Variants in CLDN18 observed in about 807,000 individuals in gnomAD.
CLDN18 encodes claudin 18.
A neutral mutation model predicts 25.0 loss-of-function variants in CLDN18; 20 were observed. The observed-to-expected ratio is 0.80, with a 90% CI of 0.56 to 1.16. The LOEUF (loss-of-function observed/expected upper bound fraction) is 1.16. Ranked by LOEUF, CLDN18 falls within the 50% of genes most tolerant of loss-of-function variation. The pLI is 0.00. For missense variants in CLDN18, 297 were observed against 345.4 expected (o/e 0.86, Z 1.11); for synonymous variants, 125 against 135.6 (o/e 0.92, Z 0.54).
At chr3:138,011,297 A>G (rs548928700) in intron 1 of CLDN18, among the ~76,000 whole-genome samples, 21 of 152,210 alleles carry the variant, frequency 1.4e-4, no homozygotes, top group Non-Finnish European at 2.8e-4. Flanking sequence ...CTCTGAAACA[A>G]ATACCTTTTA....
chr3:138,013,625 A>G (rs1304892912), intron 1 of CLDN18, among the ~76,000 whole-genome samples: 1 of 152,202 alleles, frequency 6.6e-6, no homozygotes, highest in African/African-American at 2.4e-5. Flanking sequence ...GTAGGAGCAC[A>G]TAGCTATTGG....
At chr3:138,014,053 A>C (rs1021738162) in intron 1 of CLDN18, among the ~76,000 whole-genome samples, 1 of 151,876 alleles carries the variant, frequency 6.6e-6, no homozygotes, top group Non-Finnish European at 1.5e-5. Context: ...ACAGTGGGTG[A>C]GGGAGAGAGG....
chr3:138,002,541 C>T lies in CLDN18; in HGVS notation c.220+3453C>T, dbSNP rs557597243. 3.3e-5 allele frequency among the ~76,000 whole-genome samples: 5 copies of T among 152,354 alleles called. No homozygotes were observed. The East Asian group carries it at 5.8e-4, about 18-fold the overall frequency. ...GTGCAAATACGATCATAAACACCAA[C>T]ATAAACATAATCCATAAGTAGCCAG... On this transcript the variant is annotated intron_variant, in intron 1 of 4. Coordinates refer to the CLDN18 transcript ENST00000343735.
rs769709441 is a variant in CLDN18 at position 138,014,887 on chromosome 3, G to T, written c.220+4442G>T. ...TTACCCCTGTAATCCCATCACTTTG[G>T]GAGGCTGAGGTGGGAGGATTGCTTG... is the stretch of plus-strand genomic sequence containing the variant. On this transcript the variant is annotated intron_variant, in intron 1 of 4. Coordinates refer to ENST00000183605, the MANE Select transcript of CLDN18 (RefSeq NM_016369.4). Among the ~76,000 whole-genome samples the T allele has an allele frequency of 9.9e-5, 15 of 152,194 alleles. No homozygotes were observed. In the Middle Eastern group the frequency reaches 0.01, roughly 104 times the overall value.
At position 138,010,388 on chromosome 3, in the gene CLDN18, A is replaced by G; in HGVS notation, c.163A>G (p.Arg55Gly). The G allele has an allele frequency of 6.2e-7, 1 of 1,614,202 alleles. No homozygotes were observed. The highest frequency in any genetic ancestry group is 1.1e-5 in the South Asian group (1 of 91,088). ...QYEGLWRSCV[R>G]QSSGFTECRP... ...CGAAGGGCTCTGGAGGAGCTGCGTG[A>G]GGCAGAGTTCAGGCTTCACCGAATG... Residue 55 changes from arginine to glycine, a missense_variant, in exon 1 of 5, where the codon AGG becomes GGG. Coordinates refer to ENST00000183605, the MANE Select transcript of CLDN18 (RefSeq NM_016369.4).
At chr3:138,011,831 C>T (rs935236592) in intron 1 of CLDN18, among the ~76,000 whole-genome samples, 9 of 152,174 alleles carry the variant, frequency 5.9e-5, no homozygotes, top group African/African-American at 1.7e-4. Context: ...AATATTCCCA[C>T]TCTCCTAAAT....
At position 138,023,986 on chromosome 3, in the gene CLDN18, G is replaced by A. The variant is rs544779988; in HGVS notation, c.385+164G>A. On this transcript the variant is annotated intron_variant, in intron 2 of 4. Coordinates refer to ENST00000183605, the MANE Select transcript of CLDN18 (RefSeq NM_016369.4). The stretch of plus-strand genomic sequence containing the variant: ...CCAATTGTGTATCATGAGTACTAAG[G>A]TCCTTCTTAGCTGCCACTCCAACCC... Among the ~76,000 whole-genome samples, 8 of 152,042 alleles carry A rather than the reference G, an allele frequency of 5.3e-5. No homozygotes were observed. The South Asian group carries it at 1.7e-3, about 32-fold the overall frequency.
At position 138,010,244 on chromosome 3, in the gene CLDN18, C is replaced by A. The variant is rs760479633; in HGVS notation, c.19C>A (p.Gln7Lys). ...CAGGATCATGTCCACCACCACATGC[C>A]AAGTGGTGGCGTTCCTCCTGTCCAT... MSTTTCQVVAFLLSILG... is the reference protein window; with the variant it reads MSTTTCKVVAFLLSILG... Residue 7 changes from glutamine (Q) to lysine (K), a missense_variant, in exon 1 of 5, where the codon CAA (glutamine) becomes AAA (lysine). By Grantham distance (53) the Gln-to-Lys change is moderately conservative. Transcript: ENST00000183605. 2.5e-6 allele frequency: 4 copies of A among 1,613,404 alleles called. No homozygotes were observed. The highest frequency in any genetic ancestry group is 3.4e-6 in the Non-Finnish European group (4 of 1,179,810).
intron 1 of CLDN18, among the ~76,000 whole-genome samples, chr3:138,023,356 G>A (rs1411483288): frequency 6.6e-6 from 1 of 152,260 alleles, no homozygotes; most frequent in African/African-American, 2.4e-5. Context: ...TTAAAAATGA[G>A]GAAGCTGAAA....
intron 1 of CLDN18, among the ~76,000 whole-genome samples, chr3:138,000,405 G>A (rs1002589856): frequency 2.0e-5 from 3 of 152,164 alleles, no homozygotes; most frequent in South Asian, 4.1e-4. Flanking sequence ...GGGTGCCACC[G>A]CCCAAGTCTT....
chr3:138,004,603 CAT>C (rs1942049111), intron 1 of CLDN18: 2 of 151,774 alleles, frequency 1.3e-5, no homozygotes, highest in African/African-American at 2.4e-5. Flanking sequence ...ATCAGAAAGA[CAT>C]ATATGTGAGT....
chr3:138,013,994 G>A (rs985660613), intron 1 of CLDN18, among the ~76,000 whole-genome samples: 14 of 151,934 alleles, frequency 9.2e-5, no homozygotes, highest in African/African-American at 3.1e-4. Context: ...GGCCATGGGG[G>A]TGGGGGCGGA....
chr3:138,026,444 G>A (rs1260238084), intron 3 of CLDN18, among the ~76,000 whole-genome samples: 3 of 152,124 alleles, frequency 2.0e-5, no homozygotes, highest in Non-Finnish European at 2.9e-5. Flanking sequence ...TCAGGAGTTC[G>A]AGACCAGCCT....
intron 1 of CLDN18, among the ~76,000 whole-genome samples, chr3:138,002,620 G>T (rs1255715590): frequency 6.6e-6 from 1 of 152,210 alleles, no homozygotes; most frequent in African/African-American, 2.4e-5. Flanking sequence ...CCATTGAAAT[G>T]AAAGTATGGA....
At chr3:138,004,698 G>C (rs899475057) in intron 1 of CLDN18, 5 of 151,646 alleles carry the variant, frequency 3.3e-5, no homozygotes, top group African/African-American at 1.2e-4. Flanking sequence ...TCATTGACTA[G>C]CTTTTTTTGA....
chr3:138,013,205 T>G (rs914692941), intron 1 of CLDN18, among the ~76,000 whole-genome samples: 2 of 152,230 alleles, frequency 1.3e-5, no homozygotes, highest in Non-Finnish European at 2.9e-5. Flanking sequence ...TATAAATTTT[T>G]TGTTATTATG....
At chr3:138,030,373 G>A (rs1037661609) in intron 4 of CLDN18, among the ~76,000 whole-genome samples, 1 of 152,242 alleles carries the variant, frequency 6.6e-6, no homozygotes, top group African/African-American at 2.4e-5. Flanking sequence ...CAGTGCTGCT[G>A]CTGAGAAACT....
chr3:138,029,980 C>CA (rs58607601), intron 4 of CLDN18, 73 bp downstream of exon 4: 95,807 of 795,704 alleles, frequency 0.12, 2,635 homozygotes, highest in African/African-American at 0.13. Flanking sequence ...AACTTGCAGC[C>CA]AAAAAAAAAA....
At chr3:138,000,664 G>A (rs1398248878) in intron 1 of CLDN18, among the ~76,000 whole-genome samples, 3 of 152,128 alleles carry the variant, frequency 2.0e-5, no homozygotes, top group Non-Finnish European at 4.4e-5. Context: ...TGAGAAGGAG[G>A]GACTGGGTAT....
Sources: allele counts gnomAD v4.1 joint callset (sites outside exome capture counted in the v4.1 genomes callset), GRCh38; gene constraint gnomAD v4.1.1; transcripts MANE v1.5; gene names NCBI Gene and HGNC (gene_info 2026-07-23, HGNC 2026-07-21).